Variants in NUDT21 observed in about 807,000 individuals in gnomAD.
The protein encoded by NUDT21 is cleavage and polyadenylation specificity factor subunit 5.
NUDT21 carries 5 observed loss-of-function variants against 29.8 expected under a neutral mutation model. That is an observed-to-expected ratio of 0.17 (90% confidence interval 0.09 to 0.35). The LOEUF (loss-of-function observed/expected upper bound fraction) is 0.35, where lower values mean the gene tolerates loss of function less well. Ranked by LOEUF, NUDT21 falls within the 10% of genes least tolerant of loss-of-function variation. The probability of loss-of-function intolerance (pLI) is 1.00; values close to 1 mark genes in which losing one functional copy is unlikely to be tolerated. For synonymous variants in NUDT21, 113 were observed against 98.5 expected, an observed-to-expected ratio of 1.15 and a Z score of -0.87; for missense variants, 76 against 276.0, an observed-to-expected ratio of 0.28 and a Z score of 5.13.
At chr16:56,446,590 G>C (rs907933413) in intron 3 of NUDT21, 36 bp downstream of exon 3, 2 of 1,236,986 alleles carry the variant, frequency 1.6e-6, no homozygotes, top group Non-Finnish European at 2.3e-6. Flanking sequence ...TAACTAGTAA[G>C]TTGATGGTAT....
chr16:56,441,110 G>A (rs1246813172), intron 3 of NUDT21, among the ~76,000 whole-genome samples: 1 of 152,030 alleles, frequency 6.6e-6, no homozygotes, highest in Admixed American at 6.5e-5. Flanking sequence ...ACGCAATCAT[G>A]GCTCACTACA....
At chr16:56,434,475 G>C in intron 5 of NUDT21, 30 bp from the exon 6 acceptor site, 1 of 1,242,328 alleles carries the variant, frequency 8.0e-7, no homozygotes, top group Non-Finnish European at 1.2e-6. Flanking sequence ...ATTATTATAA[G>C]TTATTATATA....
intron 3 of NUDT21, chr16:56,446,412 T>C: frequency 2.1e-6 from 1 of 478,454 alleles, no homozygotes; most frequent in Non-Finnish European, 3.7e-6. Context: ...TCAGTTTTAA[T>C]TTACCATTGC....
At chr16:56,445,027 T>C (rs1398789546) in intron 3 of NUDT21, among the ~76,000 whole-genome samples, 3 of 152,072 alleles carry the variant, frequency 2.0e-5, no homozygotes, top group African/African-American at 7.2e-5. Flanking sequence ...CTACTAAAAA[T>C]ACAAAAATTA....
intron 5 of NUDT21, 82 bp downstream of exon 5, chr16:56,434,672 T>G: frequency 1.0e-6 from 1 of 982,850 alleles, no homozygotes; most frequent in Non-Finnish European, 1.6e-6. Flanking sequence ...TCAAGGAACT[T>G]TGAGAAAACA....
In NUDT21 at chr16:56,449,144, A is replaced by G. The variant is rs531403634; in HGVS notation, c.117-1155T>C. On this transcript the variant is annotated intron_variant, in intron 1 of 6. Coordinates refer to ENST00000300291, the MANE Select transcript of NUDT21 (RefSeq NM_007006.3). Reference sequence around the variant, plus strand: ...CAAGCAATTTTTTAAAACGCTTTACATATATTAACATTTAATTCTGACAAC... The same window carrying G: ...CAAGCAATTTTTTAAAACGCTTTACGTATATTAACATTTAATTCTGACAAC... 11 of 152,374 alleles carry G rather than the reference A, an allele frequency of 7.2e-5. No homozygotes were observed. In the South Asian group the frequency reaches 2.1e-3, roughly 29 times the overall value. 9.4% of individuals were successfully genotyped at this position (152,374 alleles called of 1,614,324 possible). A position where few individuals can be genotyped will look rare whatever the true frequency, so the allele number is the denominator to read the frequency against.
intron 1 of NUDT21, chr16:56,449,146 A>G (rs1341421480): frequency 6.6e-6 from 1 of 152,236 alleles, no homozygotes; most frequent in Non-Finnish European, 1.5e-5. Flanking sequence ...CGCTTTACAT[A>G]TATTAACATT....
At chr16:56,436,513 T>C (rs1318722252) in intron 4 of NUDT21, among the ~76,000 whole-genome samples, 2 of 152,198 alleles carry the variant, frequency 1.3e-5, no homozygotes, top group African/African-American at 4.8e-5. Flanking sequence ...ATTGAGGCAA[T>C]TGTCCCAGGC....
At chr16:56,449,153 C>T (rs1020166679) in intron 1 of NUDT21, 1 of 152,198 alleles carries the variant, frequency 6.6e-6, no homozygotes, top group Non-Finnish European at 1.5e-5. Flanking sequence ...CATATATTAA[C>T]ATTTAATTCT....
Position 56,432,577 on chromosome 16 carries a change from A to C in NUDT21, c.*135T>G. On this transcript the variant is annotated 3_prime_UTR_variant, in exon 7 of 7. Transcript: ENST00000300291. ...TTCATATTAATTTTACTATTCAAAC[A>C]ATAGAAAGGTGGCAATTTAGGGATC... is the stretch of plus-strand genomic sequence containing the variant. 1.8e-6 allele frequency: 1 copy of C among 542,756 alleles called. No individual in the cohort carries two copies. Among genetic ancestry groups the C allele is most frequent in the Non-Finnish European group, 3.3e-6 (1 of 306,678 alleles). The allele number at this position is 542,756 out of a possible 1,614,324, so 33.6% of individuals were successfully genotyped here. A position where few individuals can be genotyped will look rare whatever the true frequency, so the allele number is the denominator to read the frequency against.
rs531400288 is a variant in NUDT21 at position 56,440,763 on chromosome 16, G to A, written c.382-1017C>T. Among the ~76,000 whole-genome samples the A allele has an allele frequency of 2.7e-4, 41 of 152,066 alleles. No homozygotes were observed. In the South Asian group the frequency reaches 7.3e-3, roughly 27 times the overall value. On this transcript the variant is annotated intron_variant, in intron 3 of 6. Coordinates refer to ENST00000300291, the MANE Select transcript of NUDT21 (RefSeq NM_007006.3). ...CAAAAAAAAAATTTTTTTTTGAGAC[G>A]GAGTTTTGCTCATTGCCCAGGCTGG...
intron 1 of NUDT21, 65 bp downstream of exon 1, chr16:56,451,022 G>A (rs1246209101): frequency 5.1e-6 from 7 of 1,369,150 alleles, no homozygotes; most frequent in Non-Finnish European, 7.2e-6. Flanking sequence ...AAAGCCGGGG[G>A]CGCGTCGGAG....
chr16:56,441,813 C>A (rs1175556823), intron 3 of NUDT21, among the ~76,000 whole-genome samples: 2 of 152,196 alleles, frequency 1.3e-5, no homozygotes, highest in African/African-American at 4.8e-5. Context: ...AATTCATTTC[C>A]CACATTCTCC....
At chr16:56,446,168 A>C (rs1596957567) in intron 3 of NUDT21, among the ~76,000 whole-genome samples, 1 of 152,366 alleles carries the variant, frequency 6.6e-6, no homozygotes, top group East Asian at 1.9e-4. Context: ...AAAGTCTAAA[A>C]AATATGTGAA....
chr16:56,451,281 G>C lies in NUDT21; in HGVS notation c.-79C>G. On this transcript the variant is annotated 5_prime_UTR_variant, in exon 1 of 7. Transcript: ENST00000300291. ...TTCCCCGTGCGGGAAGCGGTTATCTGCAATCCCCTCAGCGGCTACTGCCCG... is the reference window on the plus strand; with the variant it reads ...TTCCCCGTGCGGGAAGCGGTTATCTCCAATCCCCTCAGCGGCTACTGCCCG... 1 of 1,117,134 alleles carries C rather than the reference G, an allele frequency of 9.0e-7. No homozygotes were observed. Among genetic ancestry groups the C allele is most frequent in the Non-Finnish European group, 1.3e-6 (1 of 771,270 alleles). The allele number at this position is 1,117,134 out of a possible 1,614,324, so 69.2% of individuals were successfully genotyped here. A position where few individuals can be genotyped will look rare whatever the true frequency, so the allele number is the denominator to read the frequency against.
intron 4 of NUDT21, among the ~76,000 whole-genome samples, chr16:56,436,086 C>T (rs1962101170): frequency 1.3e-5 from 2 of 150,070 alleles, no homozygotes; most frequent in African/African-American, 2.4e-5. Flanking sequence ...AGTTGCTACC[C>T]GGGAAGGAAA....
At chr16:56,436,315 C>A (rs376328108) in intron 4 of NUDT21, among the ~76,000 whole-genome samples, 1 of 152,106 alleles carries the variant, frequency 6.6e-6, no homozygotes, top group South Asian at 2.1e-4. Flanking sequence ...GAATCACATG[C>A]TAAGAGAGGC....
At position 56,439,696 on chromosome 16, in the gene NUDT21, G is replaced by C; in HGVS notation, c.432C>G (p.Cys144Trp). 3 of 1,614,004 alleles carry C rather than the reference G, an allele frequency of 1.9e-6. No individual in the cohort carries two copies. The highest frequency in any genetic ancestry group is 1.7e-6 in the Non-Finnish European group (2 of 1,179,922). ...GVLQDWVIDDCIGNWWRPNFE... is the reference protein window; with the variant it reads ...GVLQDWVIDDWIGNWWRPNFE... Reference sequence around the variant, plus strand: ...AATTTGGTCTCCACCAGTTACCAATGCAATCGTCAATGACCCAGTCTTGCA... The same window carrying C: ...AATTTGGTCTCCACCAGTTACCAATCCAATCGTCAATGACCCAGTCTTGCA... Residue 144 changes from cysteine to tryptophan, a missense_variant, in exon 4 of 7, where the codon TGC becomes TGG. Cys to Trp is a radical substitution (Grantham distance 215, BLOSUM62 -2). Around this residue, in one of 5 missense-constraint regions of NUDT21, gnomAD observed 27 missense variants for 149.5 expected, o/e 0.18. Coordinates refer to ENST00000300291, the MANE Select transcript of NUDT21 (RefSeq NM_007006.3).
chr16:56,447,680 A>T, intron 2 of NUDT21, 109 bp downstream of exon 2: 1 of 881,446 alleles, frequency 1.1e-6, no homozygotes, highest in South Asian at 1.6e-5. Flanking sequence ...CATCATTAAC[A>T]GCAGTGTTTG....
Sources: gnomAD v4.1 joint callset for allele counts (sites outside exome capture counted in the v4.1 genomes callset) on GRCh38, gnomAD v4.1.1 for gene constraint, gnomAD v4.1.1 regional missense constraint, MANE v1.5 for transcripts, NCBI Gene and HGNC (gene_info 2026-07-23, HGNC 2026-07-21) for gene names.